EYS: variants seen among roughly 807,000 people sequenced by gnomAD.
EYS encodes the protein EGF-like photoreceptor maintenance factor.
EYS carries 250 observed loss-of-function variants against 282.1 expected under a neutral mutation model. The ratio of observed to expected loss-of-function variants is 0.89; its 90% CI spans 0.80 to 0.98. The LOEUF is 0.98. Ranked by LOEUF, EYS falls within the 50% of genes least tolerant of loss-of-function variation. The pLI, the probability that EYS is intolerant of heterozygous loss-of-function variation, is 0.00. For missense variants in EYS, 4,016 were observed against 3,709.0 expected (o/e 1.08, Z -2.15); for synonymous variants, 1,355 against 1,282.9 (o/e 1.06, Z -1.20).
intron 19 of EYS, among the ~76,000 whole-genome samples, chr6:64,841,717 G>T (rs1015878537): frequency 3.3e-5 from 5 of 152,122 alleles, no homozygotes; most frequent in African/African-American, 9.7e-5. Context: ...GGAGACAATT[G>T]GCACTATCAC....
chr6:64,046,428 T>C (rs1938900291), intron 33 of EYS, among the ~76,000 whole-genome samples: 1 of 152,172 alleles, frequency 6.6e-6, no homozygotes. Flanking sequence ...AAGGATCATC[T>C]TTATGAGCAT....
chr6:65,413,079 G>A (rs1767086650), intron 5 of EYS, among the ~76,000 whole-genome samples: 1 of 151,952 alleles, frequency 6.6e-6, no homozygotes, highest in Admixed American at 6.6e-5. Context: ...TCTGATAATG[G>A]TCTCCATGTT....
chr6:63,863,684 T>C (rs1321894112), intron 36 of EYS, among the ~76,000 whole-genome samples: 1 of 126,338 alleles, frequency 7.9e-6, no homozygotes, highest in African/African-American at 2.9e-5. Context: ...TCTTTTTTTT[T>C]TTTTTTTTTG....
At chr6:64,525,213 G>C (rs1014136090) in intron 26 of EYS, among the ~76,000 whole-genome samples, 1 of 151,528 alleles carries the variant, frequency 6.6e-6, no homozygotes, top group African/African-American at 2.4e-5. Context: ...CACCATGAGG[G>C]CACATGCACA....
chr6:65,210,967 G>A (rs754619275), intron 12 of EYS, among the ~76,000 whole-genome samples: 31 of 149,924 alleles, frequency 2.1e-4, no homozygotes, highest in Non-Finnish European at 3.7e-4. Context: ...CGAAGCAAAC[G>A]AACATGGTTA....
At chr6:65,502,300 T>G (rs763587157) in intron 2 of EYS, among the ~76,000 whole-genome samples, 1 of 151,764 alleles carries the variant, frequency 6.6e-6, no homozygotes, top group Non-Finnish European at 1.5e-5. Context: ...CAAATCATAC[T>G]TTGGGTATTA....
At chr6:65,661,534 C>A (rs1768001511) in intron 1 of EYS, among the ~76,000 whole-genome samples, 1 of 151,932 alleles carries the variant, frequency 6.6e-6, no homozygotes, top group African/African-American at 2.4e-5. Context: ...ACTTAGGCTC[C>A]AATAATAATA....
intron 30 of EYS, among the ~76,000 whole-genome samples, chr6:64,274,973 T>G (rs1475223069): frequency 1.3e-5 from 2 of 152,234 alleles, no homozygotes; most frequent in African/African-American, 4.8e-5. Context: ...TCAGCTGTTT[T>G]CTTCAAGTTC....
chr6:65,331,517 A>G (rs1441162921), intron 11 of EYS: 1 of 955,854 alleles, frequency 1.0e-6, no homozygotes, highest in African/African-American at 1.8e-5. Flanking sequence ...GTTGGGCTCC[A>G]TTGTTAGTAT....
intron 35 of EYS, among the ~76,000 whole-genome samples, chr6:63,958,482 A>G (rs1030676021): frequency 1.3e-5 from 2 of 152,192 alleles, no homozygotes; most frequent in Non-Finnish European, 2.9e-5. Flanking sequence ...TCATAACATA[A>G]AAGTGCAAGG....
chr6:64,484,185 G>T (rs758682874), intron 26 of EYS, among the ~76,000 whole-genome samples: 1 of 151,478 alleles, frequency 6.6e-6, no homozygotes, highest in Non-Finnish European at 1.5e-5. Flanking sequence ...TAAGGGAGTG[G>T]CATGAAGGCC....
intron 35 of EYS, among the ~76,000 whole-genome samples, chr6:63,892,755 C>T (rs1773440304): frequency 6.6e-6 from 1 of 152,148 alleles, no homozygotes; most frequent in African/African-American, 2.4e-5. Context: ...TAAAGAGCTT[C>T]TGTACAGCAA....
intron 8 of EYS, among the ~76,000 whole-genome samples, chr6:65,368,830 A>T (rs1765018254): frequency 6.6e-6 from 1 of 151,566 alleles, no homozygotes; most frequent in South Asian, 2.1e-4. Context: ...CTACTCAATT[A>T]ATGAAGTTCT....
chr6:64,532,553 C>CA (rs1313083993), intron 26 of EYS, among the ~76,000 whole-genome samples: 3 of 151,734 alleles, frequency 2.0e-5, no homozygotes, highest in East Asian at 1.9e-4. Flanking sequence ...ACTAAAAATA[C>CA]AAAAAATTAG....
At chr6:63,741,667 A>G (rs1472367853) in intron 41 of EYS, among the ~76,000 whole-genome samples, 1 of 152,168 alleles carries the variant, frequency 6.6e-6, no homozygotes, top group African/African-American at 2.4e-5. Context: ...GAGATCTTTC[A>G]TTCTCATCCT....
chr6:64,685,803 C>T (rs1770076462), intron 22 of EYS, among the ~76,000 whole-genome samples: 1 of 152,020 alleles, frequency 6.6e-6, no homozygotes, highest in Non-Finnish European at 1.5e-5. Flanking sequence ...TTTCAAGTAC[C>T]TTTGAATCAT....
intron 31 of EYS, among the ~76,000 whole-genome samples, chr6:64,100,626 C>T (rs192336997): frequency 6.6e-6 from 1 of 152,082 alleles, no homozygotes; most frequent in Admixed American, 6.5e-5. Context: ...GTAGAATTTA[C>T]ATTTGCAAAA....
intron 26 of EYS, among the ~76,000 whole-genome samples, chr6:64,443,822 GT>G (rs1403544975): frequency 6.6e-6 from 1 of 152,084 alleles, no homozygotes. Flanking sequence ...GGAACTGTAA[GT>G]CCAATAAAAC....
intron 26 of EYS, among the ~76,000 whole-genome samples, chr6:64,528,910 T>C (rs1313424661): frequency 6.6e-6 from 1 of 152,186 alleles, no homozygotes; most frequent in African/African-American, 2.4e-5. Flanking sequence ...ATCAAAAAGA[T>C]ATGGAAATTT....
Sources: allele counts gnomAD v4.1 joint callset (sites outside exome capture counted in the v4.1 genomes callset), GRCh38; gene constraint gnomAD v4.1.1; transcripts MANE v1.5; gene names NCBI Gene and HGNC (gene_info 2026-07-23, HGNC 2026-07-21).